Variants in ANKHD1 observed in about 807,000 individuals in gnomAD.
ANKHD1 encodes the protein ankyrin repeat and KH domain containing 1, also known as ankyrin repeat and KH domain-containing protein 1.
Under a neutral mutation model 230.5 loss-of-function variants are expected in ANKHD1, and 31 were observed. That is an observed-to-expected ratio of 0.13 (90% CI 0.10 to 0.18). ANKHD1 has a LOEUF of 0.18. ANKHD1 is among the 10% of genes least tolerant of loss of function. ANKHD1 has a pLI of 1.00. For synonymous variants in ANKHD1, 1,074 were observed against 1,117.6 expected, an observed-to-expected ratio of 0.96 and a Z score of 0.78; for missense variants, 2,256 against 3,071.3, an observed-to-expected ratio of 0.73 and a Z score of 6.27.
intron 30 of ANKHD1, chr5:140,535,831 A>T: frequency 5.6e-6 from 1 of 178,448 alleles, no homozygotes; most frequent in Non-Finnish European, 1.1e-5. Context: ...CCTAGGCAAG[A>T]GGATCGCTTG....
intron 15 of ANKHD1, among the ~76,000 whole-genome samples, chr5:140,503,035 A>G (rs1190222727): frequency 6.6e-6 from 1 of 152,200 alleles, no homozygotes; most frequent in Non-Finnish European, 1.5e-5. Flanking sequence ...TCACTTATTT[A>G]AACTAGTAAT....
chr5:140,529,101 G>A lies in ANKHD1; in HGVS notation c.6155G>A (p.Ser2052Asn). Reference sequence around the variant, plus strand: ...CCATCTTCAACTGCAAACAGTTGCAGTAGCTCTGCCAGCAACACCCCGGGA... The same window carrying A: ...CCATCTTCAACTGCAAACAGTTGCAATAGCTCTGCCAGCAACACCCCGGGA... The part of the protein sequence containing the change: ...CTPSSTANSC[S>N]SSASNTPGAP... The change falls in exon 29 of 34, where the codon AGT (serine) becomes AAT (asparagine). Residue 2052 changes from serine to asparagine, a missense_variant. Around this residue, in one of 13 missense-constraint regions of ANKHD1, gnomAD observed 778 missense variants for 966.5 expected, o/e 0.80. Coordinates refer to ENST00000360839, the MANE Select transcript of ANKHD1 (RefSeq NM_017747.3). The A allele has an allele frequency of 6.2e-7, 1 of 1,614,034 alleles. No homozygotes were observed. Among genetic ancestry groups the A allele is most frequent in the Non-Finnish European group, 8.5e-7 (1 of 1,180,040 alleles).
chr5:140,421,556 C>T (rs917288538), intron 1 of ANKHD1, among the ~76,000 whole-genome samples: 1 of 152,136 alleles, frequency 6.6e-6, no homozygotes, highest in African/African-American at 2.4e-5. Context: ...CCACCTTGGC[C>T]TCCCAGAGTG....
intron 10 of ANKHD1, among the ~76,000 whole-genome samples, chr5:140,476,485 C>T (rs1750974921): frequency 6.6e-6 from 1 of 151,934 alleles, no homozygotes; most frequent in African/African-American, 2.4e-5. Context: ...TACAAAAAAA[C>T]AACCATCAAA....
intron 22 of ANKHD1, among the ~76,000 whole-genome samples, chr5:140,512,017 C>G (rs1349341535): frequency 6.6e-6 from 1 of 152,136 alleles, no homozygotes; most frequent in Non-Finnish European, 1.5e-5. Context: ...AGGTGGATCA[C>G]CTGAGGTCAG....
rs1439131971 is a variant in ANKHD1, at chr5:140,440,255, G to A, written c.754G>A (p.Glu252Lys). 6.2e-7 allele frequency: 1 copy of A among 1,608,506 alleles called. No homozygotes were observed. Among genetic ancestry groups the A allele is most frequent in the Non-Finnish European group, 8.5e-7 (1 of 1,177,702 alleles). Residue 252 changes from glutamate to lysine, a missense_variant, in exon 4 of 34, where the codon GAA becomes AAA. Transcript: ENST00000360839. ...LCLACSAGYY[E>K]LAQVLLAMHA... is the part of the protein sequence containing the mutation. ...TTTGGCTTGTTCAGCAGGGTATTAT[G>A]AATTAGCACAAGTAAGCAGAAATAA...
intron 1 of ANKHD1, among the ~76,000 whole-genome samples, chr5:140,428,967 G>A (rs986092761): frequency 6.6e-6 from 1 of 151,736 alleles, no homozygotes. Context: ...TGTATTTTTA[G>A]TAGAGACAGG....
At position 140,485,327 on chromosome 5, in the gene ANKHD1, CG is replaced by C; in HGVS notation, c.1998+82del. On this transcript the variant is annotated intron_variant, in intron 12 of 33. Transcript: ENST00000360839. This position sits in a 1 kb window ranked among gnomAD's most constrained non-coding sequence, Gnocchi z 4.8. ...ATCCCAGCACTTTAGAAAGCTGAGG[CG>C]GGTGGATCACTTGAGCCCAGGAGTT... is the stretch of plus-strand genomic sequence containing the variant. 2.7e-6 allele frequency: 4 copies of C among 1,492,928 alleles called. No individual in the cohort carries two copies. Among genetic ancestry groups the C allele is most frequent in the Non-Finnish European group, 9.0e-7 (1 of 1,116,872 alleles). 92.5% of individuals were successfully genotyped at this position (1,492,928 alleles called of 1,614,324 possible). A position where few individuals can be genotyped will look rare whatever the true frequency, so the allele number is the denominator to read the frequency against.
rs775832971 is a variant in ANKHD1, at chr5:140,537,519, G to A, written c.7158G>A (p.Pro2386=). The A allele has an allele frequency of 1.3e-5, 21 of 1,613,428 alleles. No homozygotes were observed. Among genetic ancestry groups the A allele is most frequent in the Middle Eastern group, 1.6e-4 (1 of 6,080 alleles). Residue 2386 remains proline (P), a synonymous_variant, in exon 31 of 34, where the codon CCG becomes CCA. Transcript: ENST00000360839. The stretch of plus-strand genomic sequence containing the variant: ...AAGGAGGGTCTGTTGCACAAGCCCC[G>A]GCGGGGACCAGTTTTGTCGCTCCCG... The part of the protein sequence containing the change: ...IRQGGSVAQA[P]AGTSFVAPVG...
chr5:140,411,039 A>G (rs931523979), intron 1 of ANKHD1, among the ~76,000 whole-genome samples: 9 of 152,214 alleles, frequency 5.9e-5, no homozygotes, highest in African/African-American at 2.2e-4. Flanking sequence ...TGGTTACCAA[A>G]TGCTGTTTTT....
chr5:140,468,283 A>AAC (rs1776255778), intron 10 of ANKHD1, among the ~76,000 whole-genome samples: 1 of 150,840 alleles, frequency 6.6e-6, no homozygotes, highest in African/African-American at 2.4e-5. Flanking sequence ...ACAAAAAAAA[A>AAC]CAAAAAAACA....
chr5:140,425,594 C>T (rs904002061), intron 1 of ANKHD1, among the ~76,000 whole-genome samples: 1 of 149,008 alleles, frequency 6.7e-6, no homozygotes, highest in Non-Finnish European at 1.5e-5. Flanking sequence ...GATTGTGAGT[C>T]TGAGACTGGG....
chr5:140,483,391 A>G (rs894710296), intron 11 of ANKHD1, among the ~76,000 whole-genome samples: 6 of 149,552 alleles, frequency 4.0e-5, no homozygotes, highest in Non-Finnish European at 1.5e-5. Context: ...TAAAAACTAT[A>G]TTTATATTTT....
intron 14 of ANKHD1, among the ~76,000 whole-genome samples, chr5:140,490,355 A>G (rs1751717389): frequency 6.6e-6 from 1 of 152,176 alleles, no homozygotes; most frequent in Non-Finnish European, 1.5e-5. Flanking sequence ...GGTGTTTGAT[A>G]TATGTTCTAC....
At chr5:140,500,145 G>A (rs187251851) in intron 15 of ANKHD1, among the ~76,000 whole-genome samples, 6 of 152,008 alleles carry the variant, frequency 3.9e-5, no homozygotes, top group African/African-American at 1.4e-4. Context: ...TTGGTTTTAC[G>A]GGCGTGAGCC....
Position 140,426,916 on chromosome 5 carries a change from C to T in ANKHD1, c.307-9188C>T, listed in dbSNP as rs369844937. Among the ~76,000 whole-genome samples, 3 of 152,204 alleles carry T rather than the reference C, an allele frequency of 2.0e-5. 1 individual carries two copies. The South Asian group carries it at 6.2e-4, about 32-fold the overall frequency. On this transcript the variant is annotated intron_variant, in intron 1 of 33. Transcript: ENST00000360839. ...AATGAAAAGTCTCCCATGTCTACCT[C>T]TTTCTACACAGACACGGCAACCATC... is the stretch of plus-strand genomic sequence containing the variant.
intron 10 of ANKHD1, among the ~76,000 whole-genome samples, chr5:140,471,375 T>A (rs1776485222): frequency 6.6e-6 from 1 of 152,210 alleles, no homozygotes; most frequent in South Asian, 2.1e-4. Flanking sequence ...GGATACTTTG[T>A]GCTTATTATT....
intron 29 of ANKHD1, among the ~76,000 whole-genome samples, chr5:140,534,946 CTA>C (rs1288460460): frequency 5.9e-5 from 9 of 152,166 alleles, no homozygotes; most frequent in Non-Finnish European, 1.0e-4. Context: ...TAGAAAATGA[CTA>C]TAGTTATACA....
intron 10 of ANKHD1, among the ~76,000 whole-genome samples, chr5:140,471,208 T>G (rs1245135066): frequency 6.6e-6 from 1 of 152,188 alleles, no homozygotes; most frequent in Non-Finnish European, 1.5e-5. Context: ...GTTTCTTCTA[T>G]TCTTCCAATT....
Sources: allele counts gnomAD v4.1 joint callset (sites outside exome capture counted in the v4.1 genomes callset), GRCh38; gene constraint gnomAD v4.1.1; regional missense constraint gnomAD v4.1.1; non-coding constraint Gnocchi (gnomAD v3.1); transcripts MANE v1.5; gene names NCBI Gene and HGNC (gene_info 2026-07-23, HGNC 2026-07-21).